ARHGAP26: variants seen among roughly 807,000 people sequenced by gnomAD.
ARHGAP26 encodes rho GTPase-activating protein 26.
A neutral mutation model predicts 104.8 loss-of-function variants in ARHGAP26; 38 were observed. That is an observed-to-expected ratio of 0.36 (90% confidence interval 0.28 to 0.48). The LOEUF (loss-of-function observed/expected upper bound fraction) is 0.48. Ranked by LOEUF, ARHGAP26 falls within the 20% of genes least tolerant of loss-of-function variation. The probability of loss-of-function intolerance (pLI) is 0.99; values close to 1 mark genes in which losing one functional copy is unlikely to be tolerated. For missense variants in ARHGAP26, 704 were observed against 947.9 expected, an observed-to-expected ratio of 0.74 and a Z score of 3.38; for synonymous variants, 341 against 340.0, an observed-to-expected ratio of 1.00 and a Z score of -0.03.
At chr5:142,772,258 A>G (rs1484485028) in intron 1 of ARHGAP26, among the ~76,000 whole-genome samples, 1 of 152,228 alleles carries the variant, frequency 6.6e-6, no homozygotes, top group Non-Finnish European at 1.5e-5. Context: ...TGAACACAGG[A>G]CTGTGATGTG....
At chr5:143,038,177 C>T (rs1386788239) in intron 13 of ARHGAP26, among the ~76,000 whole-genome samples, 1 of 152,168 alleles carries the variant, frequency 6.6e-6, no homozygotes, top group Non-Finnish European at 1.5e-5. Context: ...GCCTACCAGC[C>T]CTTTTTAAGT....
intron 17 of ARHGAP26, among the ~76,000 whole-genome samples, chr5:143,118,452 A>G (rs982482356): frequency 2.0e-5 from 3 of 152,192 alleles, no homozygotes; most frequent in African/African-American, 7.2e-5. Flanking sequence ...ATGCTGTTTT[A>G]TAAGAGTTCA....
intron 17 of ARHGAP26, among the ~76,000 whole-genome samples, chr5:143,061,115 A>G (rs1786637137): frequency 6.6e-6 from 1 of 152,182 alleles, no homozygotes; most frequent in Non-Finnish European, 1.5e-5. Flanking sequence ...TGCATGATTT[A>G]CTTTTGCAAG....
intron 10 of ARHGAP26, among the ~76,000 whole-genome samples, chr5:142,928,760 T>G (rs1286164523): frequency 6.6e-6 from 1 of 152,214 alleles, no homozygotes; most frequent in Non-Finnish European, 1.5e-5. Flanking sequence ...TGAATTAATT[T>G]ATATATAGTG....
intron 8 of ARHGAP26, among the ~76,000 whole-genome samples, chr5:142,906,794 A>G (rs1295848462): frequency 6.6e-6 from 1 of 152,238 alleles, no homozygotes; most frequent in East Asian, 1.9e-4. Flanking sequence ...TTACTAAATG[A>G]CATCTAACAC....
chr5:143,010,887 G>A (rs1268399045), intron 11 of ARHGAP26: 1 of 152,214 alleles, frequency 6.6e-6, no homozygotes, highest in Non-Finnish European at 1.5e-5. Context: ...TTTACTAGGA[G>A]AAATGCAGGG....
chr5:142,963,196 A>ATGTGTG (rs1381593823), intron 11 of ARHGAP26, among the ~76,000 whole-genome samples: 7 of 100,750 alleles, frequency 6.9e-5, no homozygotes, highest in Non-Finnish European at 1.0e-4. Context: ...ATATATATAT[A>ATGTGTG]TATGTGTGTG....
intron 21 of ARHGAP26, among the ~76,000 whole-genome samples, chr5:143,212,265 G>A (rs1809580532): frequency 6.6e-6 from 1 of 151,156 alleles, no homozygotes; most frequent in African/African-American, 2.4e-5. Flanking sequence ...GTCATAACAG[G>A]CTCCATTTGC....
intron 13 of ARHGAP26, among the ~76,000 whole-genome samples, chr5:143,040,369 T>C (rs956829565): frequency 1.3e-5 from 2 of 152,224 alleles, no homozygotes; most frequent in African/African-American, 4.8e-5. Flanking sequence ...TTGAAAGTAC[T>C]GCAGAATTGG....
At chr5:142,916,458 T>A (rs748972169) in intron 10 of ARHGAP26, among the ~76,000 whole-genome samples, 8 of 152,248 alleles carry the variant, frequency 5.3e-5, no homozygotes, top group Non-Finnish European at 8.8e-5. Flanking sequence ...TTCGACTTTC[T>A]GGGACTGAGA....
At chr5:142,913,668 T>A (rs1762124386) in intron 10 of ARHGAP26, among the ~76,000 whole-genome samples, 1 of 152,078 alleles carries the variant, frequency 6.6e-6, no homozygotes. Context: ...GCTATTTGAA[T>A]TTTTTTTAAC....
intron 1 of ARHGAP26, among the ~76,000 whole-genome samples, chr5:142,773,530 A>G (rs1209322406): frequency 3.3e-5 from 5 of 152,236 alleles, no homozygotes; most frequent in African/African-American, 4.8e-5. Context: ...CAAATTCTTT[A>G]TAGATCTAGA....
chr5:143,144,263 C>T (rs1798897462), intron 19 of ARHGAP26, among the ~76,000 whole-genome samples: 1 of 152,108 alleles, frequency 6.6e-6, no homozygotes, highest in Admixed American at 6.5e-5. Context: ...GAAGGATTTG[C>T]TTAATTTTAA....
At chr5:143,079,162 T>G (rs1466233997) in intron 17 of ARHGAP26, among the ~76,000 whole-genome samples, 1 of 152,228 alleles carries the variant, frequency 6.6e-6, no homozygotes, top group Non-Finnish European at 1.5e-5. Context: ...CTTTGTCATG[T>G]CTGAGTGCAA....
intron 11 of ARHGAP26, among the ~76,000 whole-genome samples, chr5:142,982,678 T>A (rs886173753): frequency 6.6e-6 from 1 of 152,208 alleles, no homozygotes; most frequent in Non-Finnish European, 1.5e-5. Flanking sequence ...ACCTTTCTTC[T>A]TGAGAGGTTT....
At chr5:143,195,978 A>G (rs575704680) in intron 20 of ARHGAP26, among the ~76,000 whole-genome samples, 18 of 152,330 alleles carry the variant, frequency 1.2e-4, no homozygotes, top group African/African-American at 4.3e-4. Context: ...CTCTAAAAAA[A>G]TAAAGCTATT....
intron 1 of ARHGAP26, among the ~76,000 whole-genome samples, chr5:142,800,320 G>A (rs1167097089): frequency 6.6e-6 from 1 of 150,848 alleles, no homozygotes; most frequent in Non-Finnish European, 1.5e-5. Context: ...GTCTGTCTCT[G>A]TCTCTCTCTC....
At chr5:143,202,727 T>C (rs1050602969) in intron 20 of ARHGAP26, 1 of 152,056 alleles carries the variant, frequency 6.6e-6, no homozygotes, top group African/African-American at 2.4e-5. Context: ...CCAAAACAGA[T>C]ATATAGATCA....
chr5:142,771,112 G>C, intron 1 of ARHGAP26, 197 bp downstream of exon 1: 1 of 1,319,602 alleles, frequency 7.6e-7, no homozygotes, highest in Non-Finnish European at 9.7e-7. Context: ...GAGACCCGTC[G>C]CTCCGCCTTT....
Sources: gnomAD v4.1 joint callset for allele counts (sites outside exome capture counted in the v4.1 genomes callset) on GRCh38, gnomAD v4.1.1 for gene constraint, MANE v1.5 for transcripts, NCBI Gene and HGNC (gene_info 2026-07-23, HGNC 2026-07-21) for gene names.